The following DAPK2 variants were observed in gnomAD, a reference collection of about 807,000 sequenced individuals.
DAPK2 encodes death-associated protein kinase 2.
A neutral mutation model predicts 44.1 loss-of-function variants in DAPK2; 35 were observed. The observed-to-expected ratio is 0.79, with a 90% CI of 0.61 to 1.05. The LOEUF (loss-of-function observed/expected upper bound fraction) is 1.05, where lower values mean the gene tolerates loss of function less well. Ranked by LOEUF, DAPK2 falls within the 50% of genes least tolerant of loss-of-function variation. DAPK2 has a pLI of 0.00. For missense variants in DAPK2, 453 were observed against 483.2 expected, an observed-to-expected ratio of 0.94 and a Z score of 0.59; for synonymous variants, 174 against 182.6, an observed-to-expected ratio of 0.95 and a Z score of 0.38.
In DAPK2 at chr15:63,939,492, T is replaced by C. The variant is rs565915389; in HGVS notation, c.454-131A>G. 867 of 792,886 alleles carry C rather than the reference T, an allele frequency of 1.1e-3. 1 individual carries two copies. The highest frequency in any genetic ancestry group is 1.5e-3 in the Non-Finnish European group (769 of 512,716). The allele number at this position is 792,886 out of a possible 1,614,324, so 49.1% of individuals were successfully genotyped here. On this transcript the variant is annotated intron_variant, in intron 3 of 10. Coordinates refer to ENST00000261891, the Ensembl canonical transcript of DAPK2. The surrounding 1 kb of genome is among the most constrained non-coding windows in gnomAD (Gnocchi z 4.3). ...GGACTTGGTGTTCTTTTTAGGAGAC[T>C]GAAACAGCATAAACTCTTCCTTGTT... is the stretch of plus-strand genomic sequence containing the variant.
chr15:63,975,424 T>A (rs2078316241), intron 2 of DAPK2, among the ~76,000 whole-genome samples: 1 of 152,146 alleles, frequency 6.6e-6, no homozygotes, highest in South Asian at 2.1e-4. Flanking sequence ...ATCATCACAA[T>A]ATCCTATGAT....
upstream of DAPK2, among the ~76,000 whole-genome samples, chr15:64,041,555 G>A (rs1418754372): frequency 1.3e-5 from 2 of 152,222 alleles, no homozygotes; most frequent in African/African-American, 4.8e-5. Context: ...CCAGCTGCCT[G>A]TGGATGTGTC....
chr15:64,040,039 T>G (rs2057462232), intron 1 of DAPK2, 131 bp downstream of exon 2: 1 of 685,396 alleles, frequency 1.5e-6, no homozygotes, highest in Admixed American at 2.4e-5. Flanking sequence ...AGGTGAATAA[T>G]CCTCAGGCTC....
intron 3 of DAPK2, among the ~76,000 whole-genome samples, chr15:63,948,314 A>G (rs903649464): frequency 7.1e-6 from 1 of 141,292 alleles, no homozygotes; most frequent in African/African-American, 2.6e-5. Flanking sequence ...TAACTGGTTC[A>G]TGGTTCCATA....
Position 63,988,794 on chromosome 15 carries a change from C to T in DAPK2, c.93-5040G>A, listed in dbSNP as rs1046760947. On this transcript the variant is annotated intron_variant, in intron 1 of 10. Coordinates refer to ENST00000261891, the Ensembl canonical transcript of DAPK2. ...GTGCTGGGATTACAGGCATGAGCCA[C>T]CGCGCCCGGCCAGCTTTTTTCTTAA... Among the ~76,000 whole-genome samples, 3 of 152,188 alleles carry T rather than the reference C, an allele frequency of 2.0e-5. No homozygotes were observed. In the East Asian group the frequency reaches 5.8e-4, roughly 30 times the overall value.
intron 4 of DAPK2, among the ~76,000 whole-genome samples, chr15:63,936,348 C>T (rs1160005632): frequency 9.2e-5 from 14 of 152,186 alleles, no homozygotes; most frequent in African/African-American, 2.9e-4. Context: ...CGCTGGCTCA[C>T]GTCGGTAATC....
intron 3 of DAPK2, among the ~76,000 whole-genome samples, chr15:63,955,703 G>T (rs1281024292): frequency 6.6e-6 from 1 of 152,094 alleles, no homozygotes; most frequent in Non-Finnish European, 1.5e-5. Context: ...AACTAACTGG[G>T]ACTACAGGCA....
At chr15:64,031,335 C>G (rs1378450440) in intron 1 of DAPK2, among the ~76,000 whole-genome samples, 1 of 151,986 alleles carries the variant, frequency 6.6e-6, no homozygotes, top group Non-Finnish European at 1.5e-5. Flanking sequence ...CATGCTCAAG[C>G]AATCCTCCCA....
At chr15:63,955,793 C>T (rs1471570019) in intron 3 of DAPK2, among the ~76,000 whole-genome samples, 2 of 152,164 alleles carry the variant, frequency 1.3e-5, no homozygotes, top group African/African-American at 2.4e-5. Flanking sequence ...GTCTTGAACT[C>T]CTGAGCTCAA....
At chr15:64,015,507 T>C (rs1012111446) in intron 1 of DAPK2, among the ~76,000 whole-genome samples, 5 of 152,192 alleles carry the variant, frequency 3.3e-5, no homozygotes, top group African/African-American at 1.2e-4. Flanking sequence ...GGGTGGGCAG[T>C]CATAGTGGGT....
rs964777782 is a variant in DAPK2 at position 64,046,149 on chromosome 15, C to T, written c.-7+149G>A. 10 of 230,432 alleles carry T rather than the reference C, an allele frequency of 4.3e-5. No homozygotes were observed. Among genetic ancestry groups the T allele is most frequent in the Admixed American group, 3.3e-4 (5 of 15,360 alleles). The allele number at this position is 230,432 out of a possible 1,614,324, so 14.3% of individuals were successfully genotyped here. A position where few individuals can be genotyped will look rare whatever the true frequency, so the allele number is the denominator to read the frequency against. On this transcript the variant is annotated intron_variant, in intron 1 of 11. Transcript: ENST00000457488. The surrounding 1 kb of genome is among the most constrained non-coding windows in gnomAD (Gnocchi z 5.3). ...GGGTGCCGGCCACAATGCCCCGGGC[C>T]ACGGCGTCAGGCATTGGGGCGGCGG...
At chr15:63,993,255 T>C (rs2078864272) in intron 1 of DAPK2, among the ~76,000 whole-genome samples, 1 of 152,220 alleles carries the variant, frequency 6.6e-6, no homozygotes, top group Non-Finnish European at 1.5e-5. Flanking sequence ...TTAACACTAT[T>C]TGTGACCAAG....
chr15:63,968,395 C>T (rs960920956), intron 3 of DAPK2, among the ~76,000 whole-genome samples: 4 of 152,202 alleles, frequency 2.6e-5, no homozygotes, highest in Non-Finnish European at 5.9e-5. Flanking sequence ...AAAACCCAGA[C>T]TGTTTCCAGG....
intron 1 of DAPK2, among the ~76,000 whole-genome samples, chr15:63,988,956 G>C (rs916307166): frequency 5.9e-5 from 9 of 151,650 alleles, no homozygotes; most frequent in South Asian, 4.2e-4. Flanking sequence ...GAGGCAGGGG[G>C]ATCACTTGAG....
chr15:64,021,751 C>T (rs753274909), intron 1 of DAPK2, among the ~76,000 whole-genome samples: 23 of 152,118 alleles, frequency 1.5e-4, no homozygotes, highest in Non-Finnish European at 2.6e-4. Flanking sequence ...AAGGAAGAAC[C>T]CATGGGAAGG....
At chr15:63,989,188 CAAAAAAA>C (rs55972299) in intron 1 of DAPK2, among the ~76,000 whole-genome samples, 3,691 of 109,810 alleles carry the variant, frequency 0.034, 70 homozygotes, top group South Asian at 0.089. Context: ...ACTTTGTCTC[CAAAAAAA>C]AAAAAAAAAA....
At chr15:63,995,188 T>G (rs372118460) in intron 1 of DAPK2, among the ~76,000 whole-genome samples, 7 of 152,268 alleles carry the variant, frequency 4.6e-5, no homozygotes, top group African/African-American at 9.6e-5. Context: ...TTGTTGTTGT[T>G]GTTTTCTTTT....
At chr15:64,027,539 G>A (rs1414652743) in intron 1 of DAPK2, among the ~76,000 whole-genome samples, 1 of 152,058 alleles carries the variant, frequency 6.6e-6, no homozygotes, top group Non-Finnish European at 1.5e-5. Context: ...TCCAGCCTGG[G>A]TGACAGAGCA....
At position 64,034,568 on chromosome 15, in the gene DAPK2, G is replaced by A. The variant is rs1183404599; in HGVS notation, c.92+5602C>T. On this transcript the variant is annotated intron_variant, in intron 1 of 10. Transcript: ENST00000261891. ...GTCTTCTTCAGGGCAGAGGTGATAT[G>A]TGGAGTAATGGTAAGGTAAGATCCT... Among the ~76,000 whole-genome samples, 5 of 152,216 alleles carry A rather than the reference G, an allele frequency of 3.3e-5. 1 individual carries two copies. The highest frequency in any genetic ancestry group is 2.1e-4 in the South Asian group (1 of 4,828).
Sources: allele counts gnomAD v4.1 joint callset (sites outside exome capture counted in the v4.1 genomes callset), GRCh38; gene constraint gnomAD v4.1.1; non-coding constraint Gnocchi (gnomAD v3.1); transcripts MANE v1.5; gene names NCBI Gene and HGNC (gene_info 2026-07-23, HGNC 2026-07-21).